Variants in ULK4 observed in about 807,000 individuals in gnomAD.
ULK4 encodes unc-51 like kinase 4, also known as inactive serine/threonine-protein kinase ULK4.
ULK4 carries 133 observed loss-of-function variants against 160.6 expected under a neutral mutation model. That is an observed-to-expected ratio of 0.83 (90% CI 0.72 to 0.96). The LOEUF (loss-of-function observed/expected upper bound fraction) is 0.96. Ranked by LOEUF, ULK4 falls within the 40% of genes least tolerant of loss-of-function variation. ULK4 has a pLI of 0.00. For missense variants in ULK4, 1,580 were observed against 1,499.5 expected (o/e 1.05, Z -0.89); for synonymous variants, 534 against 539.8 (o/e 0.99, Z 0.15).
At chr3:41,925,055 C>T (rs913932097) in intron 5 of ULK4, among the ~76,000 whole-genome samples, 6 of 152,170 alleles carry the variant, frequency 3.9e-5, no homozygotes, top group Non-Finnish European at 7.3e-5. Context: ...TTAACACCCC[C>T]GGCCCCACCT....
At chr3:41,864,324 G>A (rs113723918) in intron 17 of ULK4, among the ~76,000 whole-genome samples, 1,934 of 151,576 alleles carry the variant, frequency 0.013, 32 homozygotes, top group African/African-American at 0.044. Flanking sequence ...GGGGATCAGG[G>A]AGTGGTGTTG....
At chr3:41,540,739 G>A (rs1034060069) in intron 32 of ULK4, among the ~76,000 whole-genome samples, 2 of 152,292 alleles carry the variant, frequency 1.3e-5, no homozygotes, top group Admixed American at 6.5e-5. Context: ...TCTAACTGGT[G>A]TAAGATGGTA....
chr3:41,590,461 C>CA (rs71075479), intron 31 of ULK4, among the ~76,000 whole-genome samples: 24,278 of 56,928 alleles, frequency 0.43, 4,462 homozygotes, highest in East Asian at 0.59. Context: ...ACTAAAAATA[C>CA]AAAAAAAAAA....
At chr3:41,565,902 C>T (rs775413128) in intron 32 of ULK4, 123 bp downstream of exon 32, 10 of 667,818 alleles carry the variant, frequency 1.5e-5, no homozygotes, top group Non-Finnish European at 2.2e-5. Flanking sequence ...AGTAATATTA[C>T]TTGAAAATTC....
intron 6 of ULK4, among the ~76,000 whole-genome samples, chr3:41,918,750 C>T (rs1044824594): frequency 2.0e-5 from 3 of 152,090 alleles, no homozygotes; most frequent in Non-Finnish European, 4.4e-5. Context: ...CACAGGCGCA[C>T]GCTGCCACGC....
intron 19 of ULK4, among the ~76,000 whole-genome samples, chr3:41,808,886 C>A (rs561415581): frequency 1.3e-5 from 2 of 152,208 alleles, no homozygotes; most frequent in South Asian, 4.1e-4. Flanking sequence ...TTGGTGCTGC[C>A]AGCCGGGTGA....
At chr3:41,949,490 T>C (rs1002269477) in intron 2 of ULK4, among the ~76,000 whole-genome samples, 1 of 147,994 alleles carries the variant, frequency 6.8e-6, no homozygotes, top group Non-Finnish European at 1.5e-5. Flanking sequence ...TGGAGCGCAA[T>C]TACACGATCT....
At chr3:41,916,937 A>G (rs1273083951) in intron 7 of ULK4, among the ~76,000 whole-genome samples, 1 of 151,700 alleles carries the variant, frequency 6.6e-6, no homozygotes, top group Non-Finnish European at 1.5e-5. Context: ...TGAACTCTTG[A>G]CCTCAGGTGA....
intron 22 of ULK4, among the ~76,000 whole-genome samples, chr3:41,721,076 GA>G (rs1481448041): frequency 2.0e-5 from 3 of 151,538 alleles, no homozygotes; most frequent in African/African-American, 7.3e-5. Context: ...ATGTTTTTAA[GA>G]AAATAAGCAA....
intron 34 of ULK4, among the ~76,000 whole-genome samples, chr3:41,407,520 A>G (rs568669373): frequency 2.0e-5 from 3 of 152,358 alleles, no homozygotes; most frequent in Admixed American, 2.0e-4. Flanking sequence ...GAAAAGTATT[A>G]TAGACCATTA....
intron 19 of ULK4, among the ~76,000 whole-genome samples, chr3:41,807,208 A>T (rs538952862): frequency 6.6e-6 from 1 of 152,186 alleles, no homozygotes; most frequent in African/African-American, 2.4e-5. Flanking sequence ...TAAAATAAAA[A>T]ATACATTAAA....
intron 20 of ULK4, among the ~76,000 whole-genome samples, chr3:41,798,521 T>A (rs1287356025): frequency 1.3e-5 from 2 of 152,082 alleles, no homozygotes; most frequent in African/African-American, 4.8e-5. Context: ...TCTTCAAGAT[T>A]ATATAGGTAA....
At chr3:41,716,036 A>ACCC in intron 23 of ULK4, among the ~76,000 whole-genome samples, 1 of 151,508 alleles carries the variant, frequency 6.6e-6, no homozygotes, top group South Asian at 2.1e-4. Context: ...AAATAGTGAA[A>ACCC]CCCCATCTCT....
chr3:41,879,770 G>A (rs774952557), intron 17 of ULK4, among the ~76,000 whole-genome samples: 11 of 151,936 alleles, frequency 7.2e-5, no homozygotes, highest in Admixed American at 1.3e-4. Context: ...GAGTCACCAC[G>A]CCCAGCTGAT....
At chr3:41,943,216 A>G (rs1700014517) in intron 2 of ULK4, among the ~76,000 whole-genome samples, 1 of 151,472 alleles carries the variant, frequency 6.6e-6, no homozygotes, top group Non-Finnish European at 1.5e-5. Context: ...CCATCTCAAA[A>G]AAAAAAAAAA....
At chr3:41,310,013 T>C (rs2080019594) in intron 35 of ULK4, among the ~76,000 whole-genome samples, 1 of 152,302 alleles carries the variant, frequency 6.6e-6, no homozygotes, top group Admixed American at 6.5e-5. Context: ...TTTAAAGTCA[T>C]TGCATTGTTT....
chr3:41,901,479 CTTT>C lies in ULK4; in HGVS notation c.1183-653_1183-651del, dbSNP rs566805860. Among the ~76,000 whole-genome samples, 6 of 22,546 alleles carry C rather than the reference CTTT, an allele frequency of 2.7e-4. 1 individual carries two copies. The highest frequency in any genetic ancestry group is 4.3e-4 in the African/African-American group (6 of 13,904). The allele number at this position is 22,546 out of a possible 152,430, so 14.8% of individuals were successfully genotyped here. On this transcript the variant is annotated intron_variant, in intron 12 of 36. Transcript: ENST00000301831. ...ACAGGCGTGAGCCACCACGCCCAGC[CTTT>C]TTTTTTTTTTTTTTTTGAGATAGAG...
chr3:41,930,325 T>C (rs1389772111), intron 5 of ULK4, among the ~76,000 whole-genome samples: 7 of 151,932 alleles, frequency 4.6e-5, no homozygotes, highest in Admixed American at 6.6e-5. Context: ...TTATACTCTA[T>C]ACAAAAATTA....
chr3:41,410,474 G>T (rs187264489), intron 34 of ULK4, among the ~76,000 whole-genome samples: 46 of 152,172 alleles, frequency 3.0e-4, no homozygotes, highest in African/African-American at 1.1e-3. Flanking sequence ...CCAGTTTATA[G>T]AAATAGAAAG....
Sources: allele counts gnomAD v4.1 joint callset (sites outside exome capture counted in the v4.1 genomes callset), GRCh38; gene constraint gnomAD v4.1.1; transcripts MANE v1.5; gene names NCBI Gene and HGNC (gene_info 2026-07-23, HGNC 2026-07-21).